LDLRAD3: variants seen among roughly 807,000 people sequenced by gnomAD.
The protein encoded by LDLRAD3 is low-density lipoprotein receptor class A domain-containing protein 3.
In LDLRAD3, 20 loss-of-function variants were observed where a neutral mutation model predicts 29.4. That is an observed-to-expected ratio of 0.68 (90% confidence interval 0.48 to 0.99). LDLRAD3 has a LOEUF of 0.99. Ranked by LOEUF, LDLRAD3 falls within the 50% of genes least tolerant of loss-of-function variation. The probability of loss-of-function intolerance (pLI) is 0.00; values close to 1 mark genes in which losing one functional copy is unlikely to be tolerated. For synonymous variants in LDLRAD3, 157 were observed against 192.7 expected (o/e 0.81, Z 1.53); for missense variants, 420 against 454.3 (o/e 0.92, Z 0.69).
chr11:36,078,429 G>T (rs1295688645), intron 2 of LDLRAD3, among the ~76,000 whole-genome samples: 1 of 152,230 alleles, frequency 6.6e-6, no homozygotes, highest in East Asian at 1.9e-4. Flanking sequence ...GGAGGCGGCT[G>T]AAGTGGCAGG....
chr11:36,116,000 G>A (rs1345307093), intron 4 of LDLRAD3, among the ~76,000 whole-genome samples: 1 of 152,180 alleles, frequency 6.6e-6, no homozygotes, highest in Non-Finnish European at 1.5e-5. Flanking sequence ...GGCAACAGCT[G>A]TACCACTTAG....
intron 2 of LDLRAD3, among the ~76,000 whole-genome samples, chr11:36,052,213 G>C (rs76053155): frequency 6.6e-6 from 1 of 152,194 alleles, no homozygotes; most frequent in Admixed American, 6.5e-5. Context: ...TAGTTTGGTG[G>C]CCTCAAAAGC....
rs115334269 is a variant in LDLRAD3, at chr11:36,150,918, A to G, written c.454+52457A>G. 6.8e-3 allele frequency among the ~76,000 whole-genome samples: 1,028 copies of G among 152,244 alleles called. 16 individuals carry two copies. Among genetic ancestry groups the G allele is most frequent in the African/African-American group, 0.023 (975 of 41,554 alleles). On this transcript the variant is annotated intron_variant, in intron 4 of 5. Coordinates refer to ENST00000315571, the MANE Select transcript of LDLRAD3 (RefSeq NM_174902.4). ...CTCCAGTCCTTGTCACTGAAAGCCC[A>G]GTCCTGCTTGTCTTGCTGTCTGTGT... is the stretch of plus-strand genomic sequence containing the variant.
chr11:36,081,892 C>T (rs11033408), intron 3 of LDLRAD3, 114 bp downstream of exon 3: 2 of 1,249,934 alleles, frequency 1.6e-6, no homozygotes, highest in Non-Finnish European at 2.2e-6. Context: ...CAGGCATTCT[C>T]TTCTGTTACC....
intron 3 of LDLRAD3, among the ~76,000 whole-genome samples, chr11:36,088,083 G>A (rs116928272): frequency 0.069 from 10,419 of 151,800 alleles, 527 homozygotes; most frequent in South Asian, 0.2. Flanking sequence ...TTGAACTCCT[G>A]AGCTCAAGCC....
In LDLRAD3 at chr11:35,994,255, T is replaced by C. The variant is rs189379494; in HGVS notation, c.47-41848T>C. On this transcript the variant is annotated intron_variant, in intron 1 of 5. Coordinates refer to ENST00000315571, the MANE Select transcript of LDLRAD3 (RefSeq NM_174902.4). ...AGGAGGCTGAGGCAGGAGAATGGCA[T>C]GAACCCAGGAGGCAGAGCTTGCAGT... is the stretch of plus-strand genomic sequence containing the variant. 8.2e-3 allele frequency among the ~76,000 whole-genome samples: 1,139 copies of C among 139,138 alleles called. 8 individuals are homozygous for C. The highest frequency in any genetic ancestry group is 0.011 in the Admixed American group (127 of 12,084). 91.3% of individuals were successfully genotyped at this position (139,138 alleles called of 152,430 possible). A position where few individuals can be genotyped will look rare whatever the true frequency, so the allele number is the denominator to read the frequency against.
At chr11:36,050,480 A>G (rs1323503278) in intron 2 of LDLRAD3, among the ~76,000 whole-genome samples, 1 of 152,220 alleles carries the variant, frequency 6.6e-6, no homozygotes, top group Non-Finnish European at 1.5e-5. Context: ...GATGCAGAAC[A>G]TGGTGGGTCT....
intron 2 of LDLRAD3, among the ~76,000 whole-genome samples, chr11:36,067,973 T>A (rs1852824167): frequency 6.6e-6 from 1 of 152,178 alleles, no homozygotes; most frequent in Non-Finnish European, 1.5e-5. Context: ...CTAGCCATAA[T>A]TAACTGTTGA....
intron 4 of LDLRAD3, among the ~76,000 whole-genome samples, chr11:36,178,227 A>G (rs1040528411): frequency 7.2e-5 from 11 of 152,298 alleles, no homozygotes; most frequent in African/African-American, 2.6e-4. Flanking sequence ...CTCATCCTGC[A>G]GAAGCCCTTG....
At chr11:36,160,730 T>C (rs7951966) in intron 4 of LDLRAD3, among the ~76,000 whole-genome samples, 103,088 of 152,006 alleles carry the variant, frequency 0.68, 36,486 homozygotes, top group Non-Finnish European at 0.79. Context: ...GGACTGAAAA[T>C]GCGTTAGTGA....
At chr11:35,952,843 G>C (rs561148260) in intron 1 of LDLRAD3, among the ~76,000 whole-genome samples, 89 of 152,278 alleles carry the variant, frequency 5.8e-4, no homozygotes, top group African/African-American at 2.0e-3. Flanking sequence ...AGCTTATATG[G>C]TCCATGTATG....
chr11:36,119,229 A>AT (rs1204201253), intron 4 of LDLRAD3, among the ~76,000 whole-genome samples: 1 of 152,278 alleles, frequency 6.6e-6, no homozygotes, highest in South Asian at 2.1e-4. Flanking sequence ...CAGCTTCTGG[A>AT]TTTTTTTCAC....
At chr11:35,966,193 C>T (rs1426373221) in intron 1 of LDLRAD3, among the ~76,000 whole-genome samples, 9 of 152,044 alleles carry the variant, frequency 5.9e-5, no homozygotes, top group Admixed American at 3.9e-4. Context: ...TTTGGGAGGC[C>T]GAGGTGGGTG....
intron 2 of LDLRAD3, among the ~76,000 whole-genome samples, chr11:36,052,479 G>A (rs1852543103): frequency 6.6e-6 from 1 of 152,114 alleles, no homozygotes; most frequent in South Asian, 2.1e-4. Context: ...TTAACAGTGG[G>A]TATCTCTGGA....
chr11:36,047,686 A>C (rs1852470355), intron 2 of LDLRAD3, among the ~76,000 whole-genome samples: 1 of 152,216 alleles, frequency 6.6e-6, no homozygotes, highest in African/African-American at 2.4e-5. Flanking sequence ...CTCTGCACCC[A>C]ACACTGCCAG....
At chr11:35,980,185 A>C (rs1246759631) in intron 1 of LDLRAD3, among the ~76,000 whole-genome samples, 1 of 152,186 alleles carries the variant, frequency 6.6e-6, no homozygotes, top group Non-Finnish European at 1.5e-5. Context: ...CTTCATTACT[A>C]TGTGGTAGAT....
intron 4 of LDLRAD3, among the ~76,000 whole-genome samples, chr11:36,111,779 T>C (rs755297487): frequency 6.6e-6 from 1 of 152,204 alleles, no homozygotes; most frequent in African/African-American, 2.4e-5. Context: ...TTTATGTTTT[T>C]AGTAGAGATG....
At chr11:36,043,987 G>T (rs774802672) in intron 2 of LDLRAD3, among the ~76,000 whole-genome samples, 23 of 152,198 alleles carry the variant, frequency 1.5e-4, no homozygotes, top group Non-Finnish European at 2.8e-4. Context: ...GAGTCATTCT[G>T]TTTGTATTTG....
At chr11:36,195,514 GA>G (rs1484472888) in intron 4 of LDLRAD3, among the ~76,000 whole-genome samples, 1 of 152,088 alleles carries the variant, frequency 6.6e-6, no homozygotes, top group African/African-American at 2.4e-5. Flanking sequence ...AATTCCTTTT[GA>G]ACATTCAAGT....
Sources: allele counts gnomAD v4.1 joint callset (sites outside exome capture counted in the v4.1 genomes callset), GRCh38; gene constraint gnomAD v4.1.1; transcripts MANE v1.5; gene names NCBI Gene and HGNC (gene_info 2026-07-23, HGNC 2026-07-21).